NOTCH2NLA: variants seen among roughly 807,000 people sequenced by gnomAD.
NOTCH2NLA encodes the protein notch homolog 2 N-terminal-like protein A.
intron 1 of NOTCH2NLA, among the ~76,000 whole-genome samples, chr1:146,228,148 G>A (rs1664292646): frequency 7.3e-6 from 1 of 136,426 alleles, no homozygotes; most frequent in Non-Finnish European, 1.6e-5. Flanking sequence ...TCAAAACTCA[G>A]GCGCGCCGCA....
chr1:146,185,831 C>T lies in NOTCH2NLA; in HGVS notation c.38+3469G>A. On this transcript the variant is annotated intron_variant, in intron 2 of 4. Coordinates refer to ENST00000362074, the Ensembl canonical transcript of NOTCH2NLA. Reference sequence around the variant, plus strand: ...GCATGAATAAAAAGATAATCACATGCCCTGCATGCCTGATAGAATTTTTAT... The same window carrying T: ...GCATGAATAAAAAGATAATCACATGTCCTGCATGCCTGATAGAATTTTTAT... 1.5e-5 allele frequency among the ~76,000 whole-genome samples: 2 copies of T among 135,388 alleles called. 1 individual carries two copies. Among genetic ancestry groups the T allele is most frequent in the East Asian group, 4.1e-4 (2 of 4,920 alleles). The allele number at this position is 135,388 out of a possible 152,430, so 88.8% of individuals were successfully genotyped here. A position where few individuals can be genotyped will look rare whatever the true frequency, so the allele number is the denominator to read the frequency against.
chr1:146,180,923 C>T (rs587753500), intron 2 of NOTCH2NLA, among the ~76,000 whole-genome samples: 55 of 101,412 alleles, frequency 5.4e-4, no homozygotes, highest in African/African-American at 1.6e-3. Flanking sequence ...TTAATTAAGC[C>T]TCTCCATATC....
chr1:146,198,885 G>A (rs587634267), intron 1 of NOTCH2NLA, among the ~76,000 whole-genome samples: 11 of 28,076 alleles, frequency 3.9e-4, no homozygotes, highest in South Asian at 8.8e-4. Flanking sequence ...TCCTCCTCCT[G>A]GGTTCACGCC....
rs201278051 is a variant in NOTCH2NLA, at chr1:146,187,855, C to G, written c.38+1445G>C. Among the ~76,000 whole-genome samples, 2 of 136,098 alleles carry G rather than the reference C, an allele frequency of 1.5e-5. 1 individual carries two copies. Among genetic ancestry groups the G allele is most frequent in the Non-Finnish European group, 3.4e-5 (2 of 58,770 alleles). The allele number at this position is 136,098 out of a possible 152,430, so 89.3% of individuals were successfully genotyped here. A position where few individuals can be genotyped will look rare whatever the true frequency, so the allele number is the denominator to read the frequency against. ...GAGAATGCACCACATTTTTTTTTCC[C>G]CCAGCTAGAAAAACTAAATGAGCAG... On this transcript the variant is annotated intron_variant, in intron 2 of 4. Coordinates refer to ENST00000362074, the Ensembl canonical transcript of NOTCH2NLA.
rs2102383650 is a variant in NOTCH2NLA, at chr1:146,228,830, T to A, written c.-166A>T. The stretch of plus-strand genomic sequence containing the variant: ...CCGCCGCCGCGGCCGCCTGGGCAGA[T>A]CCACATGGGGAGGGGGTCCCGATAG... On this transcript the variant is annotated 5_prime_UTR_variant, in exon 1 of 5. Transcript: ENST00000362074. 2.0e-6 allele frequency: 3 copies of A among 1,521,540 alleles called. No homozygotes were observed. In the East Asian group the frequency reaches 7.3e-5, roughly 37 times the overall value. The allele number at this position is 1,521,540 out of a possible 1,614,324, so 94.3% of individuals were successfully genotyped here. A position where few individuals can be genotyped will look rare whatever the true frequency, so the allele number is the denominator to read the frequency against.
At chr1:146,228,245 G>C (rs1221313613) in intron 1 of NOTCH2NLA, 1 of 314,798 alleles carries the variant, frequency 3.2e-6, no homozygotes. Flanking sequence ...GAAGGTGCAG[G>C]CCGTTTGGCT....
intron 2 of NOTCH2NLA, among the ~76,000 whole-genome samples, chr1:146,179,641 T>C (rs1287131717): frequency 7.3e-6 from 1 of 136,530 alleles, no homozygotes; most frequent in Non-Finnish European, 1.7e-5. Context: ...AACAGTCCCT[T>C]CTAGTCTCCT....
At position 146,158,349 on chromosome 1, in the gene NOTCH2NLA, T is replaced by A. The variant is rs587733670; in HGVS notation, c.299-1534A>T. ...CCCCACGACAGGCCCCGGTTTGTGA[T>A]GTTCCCCTTCCTGTGTCCAAGTGTT... On this transcript the variant is annotated intron_variant, in intron 3 of 4. Transcript: ENST00000362074. Among the ~76,000 whole-genome samples the A allele has an allele frequency of 8.0e-5, 12 of 150,292 alleles. No homozygotes were observed. The East Asian group carries it at 1.4e-3, about 17-fold the overall frequency.
At chr1:146,228,911 T>C in exon 1 of NOTCH2NLA, 9 of 1,467,140 alleles carry the variant, frequency 6.1e-6, no homozygotes, top group African/African-American at 1.5e-5. Flanking sequence ...GCCCTGGCGC[T>C]ACGCTCCGAA....
At chr1:146,177,541 A>AT (rs1162887227) in intron 2 of NOTCH2NLA, among the ~76,000 whole-genome samples, 1 of 34,638 alleles carries the variant, frequency 2.9e-5, no homozygotes, top group African/African-American at 7.9e-5. Context: ...GTCTAAAAGG[A>AT]TTTTCCTAGA....
rs1664016478 is a variant in NOTCH2NLA at position 146,219,788 on chromosome 1, C to A, written c.-45+8921G>T. Among the ~76,000 whole-genome samples the A allele has an allele frequency of 9.3e-5, 3 of 32,170 alleles. 1 individual carries two copies. The Admixed American group carries it at 1.1e-3, about 12-fold the overall frequency. The allele number at this position is 32,170 out of a possible 152,430, so 21.1% of individuals were successfully genotyped here. A position where few individuals can be genotyped will look rare whatever the true frequency, so the allele number is the denominator to read the frequency against. On this transcript the variant is annotated intron_variant, in intron 1 of 4. Coordinates refer to ENST00000362074, the Ensembl canonical transcript of NOTCH2NLA. Reference sequence around the variant, plus strand: ...GCATATATATATATGTAGATCTGTTCATAAACTAAAAAAAAAAAATATATA... The same window carrying A: ...GCATATATATATATGTAGATCTGTTAATAAACTAAAAAAAAAAAATATATA...
At chr1:146,182,433 T>C (rs1662576368) in intron 2 of NOTCH2NLA, among the ~76,000 whole-genome samples, 1 of 139,914 alleles carries the variant, frequency 7.1e-6, no homozygotes, top group Admixed American at 7.4e-5. Flanking sequence ...ACATGTAAAC[T>C]ACTTGAGAAC....
At chr1:146,187,953 C>G (rs1662865373) in intron 2 of NOTCH2NLA, among the ~76,000 whole-genome samples, 1 of 135,608 alleles carries the variant, frequency 7.4e-6, no homozygotes, top group Non-Finnish European at 1.7e-5. Context: ...TATTGTTAAG[C>G]TTTACTGTCA....
At position 146,185,858 on chromosome 1, in the gene NOTCH2NLA, AATC is replaced by A. The variant is rs781859548; in HGVS notation, c.38+3439_38+3441del. Among the ~76,000 whole-genome samples, 8 of 136,950 alleles carry A rather than the reference AATC, an allele frequency of 5.8e-5. 1 individual carries two copies. The highest frequency in any genetic ancestry group is 1.4e-4 in the Non-Finnish European group (8 of 59,116). 89.8% of individuals were successfully genotyped at this position (136,950 alleles called of 152,430 possible). A position where few individuals can be genotyped will look rare whatever the true frequency, so the allele number is the denominator to read the frequency against. ...CTGCATGCCTGATAGAATTTTTATA[AATC>A]TTCTGTTTTAATATTTATTTTCTAT... On this transcript the variant is annotated intron_variant, in intron 2 of 4. Transcript: ENST00000362074.
exon 1 of NOTCH2NLA, chr1:146,228,877 C>T: frequency 1.4e-6 from 2 of 1,474,450 alleles, no homozygotes; most frequent in Admixed American, 2.7e-5. Context: ...TCTCTCCTCC[C>T]CTCCTCCTGC....
chr1:146,194,982 C>T (rs868958075), intron 1 of NOTCH2NLA, among the ~76,000 whole-genome samples: 163 of 109,774 alleles, frequency 1.5e-3, no homozygotes, highest in African/African-American at 6.5e-3. Flanking sequence ...CTTCAAGGCC[C>T]AGTTCACCTC....
At chr1:146,159,433 A>AAGAAAGAAAGAAAG (rs1661367405) in intron 3 of NOTCH2NLA, among the ~76,000 whole-genome samples, 1 of 149,546 alleles carries the variant, frequency 6.7e-6, no homozygotes, top group Admixed American at 6.7e-5. Flanking sequence ...GAAAGAAAGA[A>AAGAAAGAAAGAAAG]AGAAAGAAAG....
At chr1:146,210,625 GCA>G (rs202185240) in intron 1 of NOTCH2NLA, among the ~76,000 whole-genome samples, 5 of 100,496 alleles carry the variant, frequency 5.0e-5, no homozygotes, top group Admixed American at 1.1e-4. Context: ...ACACACACAC[GCA>G]CACACACACA....
chr1:146,198,773 T>A (rs1340243305), intron 1 of NOTCH2NLA, among the ~76,000 whole-genome samples: 2 of 88,710 alleles, frequency 2.3e-5, no homozygotes, highest in African/African-American at 7.5e-5. Context: ...GTGCTTTTAG[T>A]AAACTCCCTT....
Sources: gnomAD v4.1 joint callset for allele counts (sites outside exome capture counted in the v4.1 genomes callset) on GRCh38, gnomAD v4.1.1 for gene constraint, MANE v1.5 for transcripts, NCBI Gene and HGNC (gene_info 2026-07-23, HGNC 2026-07-21) for gene names.